Variants in ST6GALNAC5 observed in about 807,000 individuals in gnomAD.
The protein encoded by ST6GALNAC5 is alpha-N-acetylgalactosaminide alpha-2,6-sialyltransferase 5.
Under a neutral mutation model 33.6 loss-of-function variants are expected in ST6GALNAC5, and 27 were observed. That is an observed-to-expected ratio of 0.80 (90% CI 0.59 to 1.11). The LOEUF (loss-of-function observed/expected upper bound fraction) is 1.11. Ranked by LOEUF, ST6GALNAC5 falls within the 50% of genes least tolerant of loss-of-function variation. The pLI is 0.00. For synonymous variants in ST6GALNAC5, 194 were observed against 171.2 expected (o/e 1.13, Z -1.04); for missense variants, 428 against 454.0 (o/e 0.94, Z 0.52).
intron 2 of ST6GALNAC5, among the ~76,000 whole-genome samples, chr1:77,041,570 A>G (rs34036815): frequency 0.15 from 23,487 of 152,176 alleles, 2,199 homozygotes; most frequent in South Asian, 0.34. Flanking sequence ...AGGGAAAGGA[A>G]AGTTAAGCAT....
chr1:77,001,577 C>T (rs1650167540), intron 2 of ST6GALNAC5, among the ~76,000 whole-genome samples: 2 of 151,210 alleles, frequency 1.3e-5, no homozygotes, highest in African/African-American at 2.4e-5. Context: ...TGCCAGTTTT[C>T]GAAGGGAATG....
chr1:76,944,965 C>A (rs1647464535), intron 2 of ST6GALNAC5, among the ~76,000 whole-genome samples: 1 of 152,104 alleles, frequency 6.6e-6, no homozygotes, highest in African/African-American at 2.4e-5. Flanking sequence ...TCAGGACAGA[C>A]CATCCCACTG....
At chr1:76,896,315 TG>T (rs1406166952) in intron 2 of ST6GALNAC5, among the ~76,000 whole-genome samples, 12 of 152,164 alleles carry the variant, frequency 7.9e-5, no homozygotes, top group African/African-American at 2.9e-4. Context: ...AGTCCTGGGT[TG>T]GGGTAAATCC....
chr1:76,910,098 T>C (rs1646896720), intron 2 of ST6GALNAC5, among the ~76,000 whole-genome samples: 1 of 152,064 alleles, frequency 6.6e-6, no homozygotes, highest in South Asian at 2.1e-4. Context: ...CAGTGTAACA[T>C]GTTTCAATTT....
rs536247373 is a variant in ST6GALNAC5 at position 76,993,151 on chromosome 1, C to T, written c.262-51053C>T. Among the ~76,000 whole-genome samples the T allele has an allele frequency of 3.3e-5, 5 of 152,322 alleles. No individual in the cohort carries two copies. The South Asian group carries it at 1.0e-3, about 32-fold the overall frequency. Reference sequence around the variant, plus strand: ...TTCCTATTTATGCTTCAAGAAGCATCTCAAATATCACTCCCTCCATGATGC... The same window carrying T: ...TTCCTATTTATGCTTCAAGAAGCATTTCAAATATCACTCCCTCCATGATGC... On this transcript the variant is annotated intron_variant, in intron 2 of 4. Transcript: ENST00000477717.
chr1:77,001,549 G>A (rs1164588435), intron 2 of ST6GALNAC5, among the ~76,000 whole-genome samples: 2 of 149,458 alleles, frequency 1.3e-5, no homozygotes. Context: ...AGTGGTGAGA[G>A]AGGGCATCCC....
At chr1:76,936,809 G>T (rs1414200565) in intron 2 of ST6GALNAC5, among the ~76,000 whole-genome samples, 3 of 151,960 alleles carry the variant, frequency 2.0e-5, no homozygotes, top group African/African-American at 7.2e-5. Flanking sequence ...TAAGGCAGAG[G>T]TTATGTGGTC....
At chr1:77,059,949 T>C (rs1448021581) in intron 4 of ST6GALNAC5, among the ~76,000 whole-genome samples, 1 of 152,156 alleles carries the variant, frequency 6.6e-6, no homozygotes, top group African/African-American at 2.4e-5. Flanking sequence ...TTTATTTTGG[T>C]TCAAACCTAA....
intron 2 of ST6GALNAC5, among the ~76,000 whole-genome samples, chr1:76,952,372 C>G (rs748855310): frequency 6.6e-6 from 1 of 152,040 alleles, no homozygotes; most frequent in Non-Finnish European, 1.5e-5. Context: ...GAGAAGGCTC[C>G]TTTGGTAGGT....
rs1338346568 is a variant in ST6GALNAC5, at chr1:77,064,269, C to T, written c.*1063C>T. 3.9e-5 allele frequency: 6 copies of T among 152,024 alleles called. No individual in the cohort carries two copies. Among genetic ancestry groups the T allele is most frequent in the South Asian group, 2.1e-4 (1 of 4,802 alleles). 9.4% of individuals were successfully genotyped at this position (152,024 alleles called of 1,614,324 possible). ...GTAGCAGGAACTTTATTTTGGGGAGCCTTATCTACATTCATATTACTTATA... is the reference window on the plus strand; with the variant it reads ...GTAGCAGGAACTTTATTTTGGGGAGTCTTATCTACATTCATATTACTTATA... On this transcript the variant is annotated 3_prime_UTR_variant, in exon 5 of 5. Coordinates refer to ENST00000477717, the MANE Select transcript of ST6GALNAC5 (RefSeq NM_030965.3).
intron 2 of ST6GALNAC5, among the ~76,000 whole-genome samples, chr1:76,981,321 A>T (rs1190077629): frequency 6.6e-6 from 1 of 152,232 alleles, no homozygotes; most frequent in Non-Finnish European, 1.5e-5. Flanking sequence ...AGCAACTGGC[A>T]GACAAGGTGA....
intron 2 of ST6GALNAC5, among the ~76,000 whole-genome samples, chr1:77,026,666 C>T (rs1651249468): frequency 6.6e-6 from 1 of 152,228 alleles, no homozygotes. Flanking sequence ...TATTGATTTA[C>T]AGTCCATCTT....
chr1:76,885,076 G>A (rs774145187), intron 2 of ST6GALNAC5, among the ~76,000 whole-genome samples: 7 of 152,064 alleles, frequency 4.6e-5, no homozygotes, highest in East Asian at 1.9e-4. Flanking sequence ...ATGGGATGGC[G>A]CCAGACCTTA....
intron 2 of ST6GALNAC5, among the ~76,000 whole-genome samples, chr1:77,015,963 A>C (rs1348061788): frequency 6.6e-6 from 1 of 151,848 alleles, no homozygotes; most frequent in African/African-American, 2.4e-5. Flanking sequence ...CAGGCCTCTG[A>C]TCCCAGCATC....
At chr1:77,043,029 G>T (rs1281190812) in intron 2 of ST6GALNAC5, among the ~76,000 whole-genome samples, 1 of 152,128 alleles carries the variant, frequency 6.6e-6, no homozygotes, top group Non-Finnish European at 1.5e-5. Context: ...CATGTCTCAG[G>T]AAACTCCCAA....
At chr1:76,971,185 G>T in intron 2 of ST6GALNAC5, among the ~76,000 whole-genome samples, 1 of 152,114 alleles carries the variant, frequency 6.6e-6, no homozygotes, top group East Asian at 1.9e-4. Flanking sequence ...TCTCCTGTTT[G>T]CTAAATATTT....
In ST6GALNAC5 at chr1:76,936,275, A is replaced by G. The variant is rs914583858; in HGVS notation, c.261+67533A>G. ...TACATTCATTTGAAGCTCATTATAC[A>G]ATTAAGGTATTATGCCTTTTTCATG... On this transcript the variant is annotated intron_variant, in intron 2 of 4. Transcript: ENST00000477717. Among the ~76,000 whole-genome samples, 118 of 152,012 alleles carry G rather than the reference A, an allele frequency of 7.8e-4. 1 individual carries two copies. The highest frequency in any genetic ancestry group is 2.6e-3 in the African/African-American group (109 of 41,422).
chr1:77,017,156 A>G lies in ST6GALNAC5; in HGVS notation c.262-27048A>G, dbSNP rs556625505. Among the ~76,000 whole-genome samples, 12 of 151,988 alleles carry G rather than the reference A, an allele frequency of 7.9e-5. No individual in the cohort carries two copies. In the South Asian group the frequency reaches 2.3e-3, roughly 29 times the overall value. ...CTCTGTAATCAGGAAAAGGCAAAAAAAAAAAAAAAAAAGGTAAAGACACAG... is the reference window on the plus strand; with the variant it reads ...CTCTGTAATCAGGAAAAGGCAAAAAGAAAAAAAAAAAAGGTAAAGACACAG... On this transcript the variant is annotated intron_variant, in intron 2 of 4. Coordinates refer to ENST00000477717, the MANE Select transcript of ST6GALNAC5 (RefSeq NM_030965.3).
At chr1:77,023,914 C>T (rs1426231545) in intron 2 of ST6GALNAC5, among the ~76,000 whole-genome samples, 4 of 152,114 alleles carry the variant, frequency 2.6e-5, no homozygotes, top group Admixed American at 2.6e-4. Flanking sequence ...CAGATTAAGC[C>T]CGCATGGGTT....
Sources: allele counts gnomAD v4.1 joint callset (sites outside exome capture counted in the v4.1 genomes callset), GRCh38; gene constraint gnomAD v4.1.1; transcripts MANE v1.5; gene names NCBI Gene and HGNC (gene_info 2026-07-23, HGNC 2026-07-21).